The following PCGF3 variants were observed in gnomAD, a reference collection of about 807,000 sequenced individuals.
PCGF3 encodes the protein polycomb group RING finger protein 3.
Under a neutral mutation model 33.1 loss-of-function variants are expected in PCGF3, and 7 were observed. The ratio of observed to expected loss-of-function variants is 0.21; its 90% CI spans 0.12 to 0.40. PCGF3 has a LOEUF of 0.40. PCGF3 is among the 10% of genes least tolerant of loss of function. PCGF3 has a pLI of 1.00. For missense variants in PCGF3, 211 were observed against 313.3 expected (o/e 0.67, Z 2.46); for synonymous variants, 153 against 121.3 (o/e 1.26, Z -1.72).
At chr4:755,665 G>A (rs1307098307) in intron 8 of PCGF3, among the ~76,000 whole-genome samples, 1 of 151,848 alleles carries the variant, frequency 6.6e-6, no homozygotes, top group African/African-American at 2.4e-5. Flanking sequence ...CTTTTTAGTT[G>A]GGTTGTAAGC....
chr4:770,087 TAAGTGA>T (rs892237356), exon 11 of PCGF3: 4 of 152,626 alleles, frequency 2.6e-5, no homozygotes, highest in African/African-American at 9.7e-5. Context: ...AAGAAAAGCT[TAAGTGA>T]AAGTGTTTCT....
exon 11 of PCGF3, chr4:766,302 T>TC: frequency 2.0e-6 from 1 of 490,304 alleles, no homozygotes; most frequent in South Asian, 2.6e-5. Flanking sequence ...GATCGTCCTC[T>TC]CCCCCGCCCC....
At chr4:743,637 C>T in intron 7 of PCGF3, 53 bp downstream of exon 7, 2 of 1,069,364 alleles carry the variant, frequency 1.9e-6, no homozygotes, top group East Asian at 2.4e-5. Context: ...TGCATGAGGC[C>T]TTTTCTTAAA....
chr4:715,557 G>T (rs1211079962), intron 1 of PCGF3, among the ~76,000 whole-genome samples: 14 of 127,226 alleles, frequency 1.1e-4, no homozygotes, highest in Non-Finnish European at 2.3e-4. Context: ...GTGAGAACTG[G>T]GTGTCGGTGC....
intron 1 of PCGF3, among the ~76,000 whole-genome samples, chr4:722,785 GC>G (rs1743158388): frequency 2.7e-5 from 2 of 73,878 alleles, no homozygotes; most frequent in Non-Finnish European, 5.0e-5. Context: ...GTCCACACTC[GC>G]GTCATCGCCA....
At chr4:761,147 C>T in intron 8 of PCGF3, 132 bp from the exon 9 acceptor site, 1 of 595,904 alleles carries the variant, frequency 1.7e-6, no homozygotes, top group South Asian at 3.8e-5. Context: ...GTGTTGAAGT[C>T]AAAGCAGATG....
In PCGF3 at chr4:715,914, C is replaced by G. The variant is rs79075549; in HGVS notation, c.-190+9944C>G. 1.4e-3 allele frequency among the ~76,000 whole-genome samples: 123 copies of G among 89,976 alleles called. 1 individual carries two copies. Among genetic ancestry groups the G allele is most frequent in the Non-Finnish European group, 1.9e-3 (76 of 39,042 alleles). The allele number at this position is 89,976 out of a possible 152,430, so 59.0% of individuals were successfully genotyped here. On this transcript the variant is annotated intron_variant, in intron 1 of 10. Transcript: ENST00000362003. ...GACACTGAGGGTGAGAACTGGGCGTCGGTGCTGGGACCCTGTAGACACTGA... is the reference window on the plus strand; with the variant it reads ...GACACTGAGGGTGAGAACTGGGCGTGGGTGCTGGGACCCTGTAGACACTGA...
At chr4:735,078 C>T in intron 5 of PCGF3, 51 bp downstream of exon 5, 4 of 1,571,578 alleles carry the variant, frequency 2.5e-6, no homozygotes, top group Admixed American at 1.8e-5. Context: ...TGCCCCTGGG[C>T]GTCTCTGTGT....
At chr4:768,928 T>G (rs1203581978) in exon 11 of PCGF3, 4 of 152,704 alleles carry the variant, frequency 2.6e-5, no homozygotes, top group Non-Finnish European at 5.9e-5. Context: ...AGACATCTGT[T>G]TAAATGGTAA....
At chr4:724,367 G>A (rs1743238790) in intron 1 of PCGF3, among the ~76,000 whole-genome samples, 1 of 152,252 alleles carries the variant, frequency 6.6e-6, no homozygotes, top group Non-Finnish European at 1.5e-5. Context: ...CGGCCGCACA[G>A]GCAGGGAAGG....
At chr4:729,521 A>T (rs1577408815) in intron 1 of PCGF3, among the ~76,000 whole-genome samples, 1 of 152,192 alleles carries the variant, frequency 6.6e-6, no homozygotes, top group Non-Finnish European at 1.5e-5. Context: ...GCTGTTGGGT[A>T]GTGGAGATGT....
intron 1 of PCGF3, among the ~76,000 whole-genome samples, chr4:722,855 TCGCCATCCACGCCGGGTCCACACTC>T (rs1743163122): frequency 1.4e-5 from 1 of 71,172 alleles, no homozygotes; most frequent in Non-Finnish European, 2.6e-5. Flanking sequence ...ACTCGCGACA[TCGCCATCCACGCCGGGTCCACACTC>T]GCGTCATCGC....
At chr4:731,142 C>T (rs970120751) in intron 3 of PCGF3, 32 bp downstream of exon 3, 1 of 398,606 alleles carries the variant, frequency 2.5e-6, no homozygotes, top group Admixed American at 4.4e-5. Context: ...CCCGGGGGTC[C>T]TGCTGACTCC....
chr4:723,797 C>G (rs529131156), intron 1 of PCGF3: 2 of 152,510 alleles, frequency 1.3e-5, no homozygotes, highest in East Asian at 1.9e-4. Flanking sequence ...TGCAACACCC[C>G]CTGTGACCCA....
intron 8 of PCGF3, among the ~76,000 whole-genome samples, chr4:751,782 T>C (rs1432222345): frequency 6.6e-6 from 1 of 152,222 alleles, no homozygotes; most frequent in Non-Finnish European, 1.5e-5. Context: ...GCTCCAGCTC[T>C]AGGTTTGTTC....
chr4:722,109 T>C (rs1743103783), intron 1 of PCGF3, among the ~76,000 whole-genome samples: 2 of 152,156 alleles, frequency 1.3e-5, no homozygotes, highest in African/African-American at 4.8e-5. Flanking sequence ...GCAGCATCTG[T>C]GTGTATGCAG....
chr4:766,739 C>A (rs1333290996), exon 11 of PCGF3: 1 of 152,226 alleles, frequency 6.6e-6, no homozygotes, highest in Non-Finnish European at 1.5e-5. Context: ...AGAACTGTCG[C>A]TCACCTGTGG....
Position 719,318 on chromosome 4 carries a change from G to A in PCGF3, c.-189-11312G>A, listed in dbSNP as rs147831420. Among the ~76,000 whole-genome samples, 204 of 152,324 alleles carry A rather than the reference G, an allele frequency of 1.3e-3. 2 individuals are homozygous for A. Among genetic ancestry groups the A allele is most frequent in the African/African-American group, 4.6e-3 (192 of 41,562 alleles). On this transcript the variant is annotated intron_variant, in intron 1 of 10. Transcript: ENST00000362003. ...TGTGCAGAGAACCATGTAAAGTTCCGTTTTCCTCCTAACCTGGTCGTCTCC... is the reference window on the plus strand; with the variant it reads ...TGTGCAGAGAACCATGTAAAGTTCCATTTTCCTCCTAACCTGGTCGTCTCC...
At position 761,431 on chromosome 4, in the gene PCGF3, C is replaced by T. The variant is rs761657243; in HGVS notation, c.600+15C>T. ...CCTTTAACGAGGTAACAGTTGATCC[C>T]TAAGTAGAAACCATAACAAGTCCTC... is the stretch of plus-strand genomic sequence containing the variant. On this transcript the variant is annotated intron_variant, in intron 9 of 10. Coordinates refer to ENST00000362003, the Ensembl canonical transcript of PCGF3. The T allele has an allele frequency of 3.2e-6, 5 of 1,583,432 alleles. No individual in the cohort carries two copies. Among genetic ancestry groups the T allele is most frequent in the Admixed American group, 3.6e-5 (2 of 55,586 alleles).
Sources: allele counts gnomAD v4.1 joint callset (sites outside exome capture counted in the v4.1 genomes callset), GRCh38; gene constraint gnomAD v4.1.1; transcripts MANE v1.5; gene names NCBI Gene and HGNC (gene_info 2026-07-23, HGNC 2026-07-21).